COL14A1: variants seen among roughly 807,000 people sequenced by gnomAD.
COL14A1 encodes the protein collagen alpha-1(XIV) chain.
In COL14A1, 136 loss-of-function variants were observed where a neutral mutation model predicts 230.3. The observed-to-expected ratio is 0.59, with a 90% CI of 0.51 to 0.68. COL14A1 has a LOEUF of 0.68. Ranked by LOEUF, COL14A1 falls within the 30% of genes least tolerant of loss-of-function variation. The pLI, the probability that COL14A1 is intolerant of heterozygous loss-of-function variation, is 0.00. For missense variants in COL14A1, 1,976 were observed against 2,215.8 expected, an observed-to-expected ratio of 0.89 and a Z score of 2.17; for synonymous variants, 792 against 784.1, an observed-to-expected ratio of 1.01 and a Z score of -0.17.
At chr8:120,203,504 A>G (rs901375904) in intron 8 of COL14A1, among the ~76,000 whole-genome samples, 8 of 152,192 alleles carry the variant, frequency 5.3e-5, no homozygotes, top group African/African-American at 1.9e-4. Flanking sequence ...TTTGTGTTAT[A>G]TAATAGATAT....
intron 45 of COL14A1, among the ~76,000 whole-genome samples, chr8:120,347,459 A>G (rs1338393224): frequency 6.6e-6 from 1 of 152,102 alleles, no homozygotes; most frequent in Non-Finnish European, 1.5e-5. Flanking sequence ...TTTTGCGATG[A>G]CTGTTATAGG....
At chr8:120,254,836 A>C (rs1480059900) in intron 22 of COL14A1, among the ~76,000 whole-genome samples, 1 of 151,536 alleles carries the variant, frequency 6.6e-6, no homozygotes, top group East Asian at 1.9e-4. Context: ...AAAAAAAAAA[A>C]AAAAAATTAG....
At position 120,199,453 on chromosome 8, in the gene COL14A1, C is replaced by G. The variant is rs766232230; in HGVS notation, c.764C>G (p.Ser255Ter). ...AATAGCTTCAAACCAGAAGCAGGAT[C>G]AAGGACTGGAGTATCCAAAATTGGC... ...FENSFKPEAG[S>*]RTGVSKIGIL... Residue 255 changes from serine (S) to a stop codon, truncating the protein, a stop_gained, in exon 8 of 48, where the codon TCA (serine) becomes TGA (stop). Coordinates refer to ENST00000297848, the MANE Select transcript of COL14A1 (RefSeq NM_021110.4). LOFTEE classifies it high-confidence loss of function. 6.2e-7 allele frequency: 1 copy of G among 1,610,448 alleles called. No individual in the cohort carries two copies. The highest frequency in any genetic ancestry group is 1.1e-5 in the South Asian group (1 of 90,058).
At chr8:120,254,607 G>A (rs1819078864) in intron 22 of COL14A1, among the ~76,000 whole-genome samples, 1 of 151,744 alleles carries the variant, frequency 6.6e-6, no homozygotes, top group South Asian at 2.1e-4. Flanking sequence ...TATATAAAGG[G>A]GGTAAGATTT....
At position 120,125,252 on chromosome 8, in the gene COL14A1, G is replaced by A. The variant is rs1178771926; in HGVS notation, c.-126G>A. ...TCCGAGGGAAGAGAGCAAGGGCGGTGCGCCGCCAAGGACCAACTAGCGGCG... is the reference window on the plus strand; with the variant it reads ...TCCGAGGGAAGAGAGCAAGGGCGGTACGCCGCCAAGGACCAACTAGCGGCG... On this transcript the variant is annotated 5_prime_UTR_variant, in exon 1 of 48. Coordinates refer to ENST00000297848, the MANE Select transcript of COL14A1 (RefSeq NM_021110.4). The A allele has an allele frequency of 1.3e-5, 2 of 152,378 alleles. No individual in the cohort carries two copies. Among genetic ancestry groups the A allele is most frequent in the African/African-American group, 4.8e-5 (2 of 41,466 alleles). The allele number at this position is 152,378 out of a possible 1,614,324, so 9.4% of individuals were successfully genotyped here. A position where few individuals can be genotyped will look rare whatever the true frequency, so the allele number is the denominator to read the frequency against.
chr8:120,361,213 G>A (rs1226370806), intron 45 of COL14A1, among the ~76,000 whole-genome samples: 1 of 152,064 alleles, frequency 6.6e-6, no homozygotes, highest in Admixed American at 6.6e-5. Flanking sequence ...TCCTCTCTCT[G>A]AAAGATCTAG....
chr8:120,279,691 A>G (rs1223606895), intron 28 of COL14A1, among the ~76,000 whole-genome samples: 1 of 152,134 alleles, frequency 6.6e-6, no homozygotes, highest in Non-Finnish European at 1.5e-5. Context: ...CTCAGGCACA[A>G]TTTGGGGCCT....
intron 34 of COL14A1, among the ~76,000 whole-genome samples, chr8:120,292,612 A>G (rs976411762): frequency 1.3e-5 from 2 of 152,138 alleles, no homozygotes; most frequent in African/African-American, 4.8e-5. Flanking sequence ...AAATTTAGAA[A>G]TCACAGACTG....
At chr8:120,313,806 G>A in intron 37 of COL14A1, 126 bp from the exon 38 acceptor site, 3 of 606,578 alleles carry the variant, frequency 4.9e-6, no homozygotes, top group Non-Finnish European at 8.6e-6. Context: ...TTGCTATCCT[G>A]AGTATTTCCT....
chr8:120,300,915 A>G (rs1008202859), intron 36 of COL14A1, 97 bp downstream of exon 36: 9 of 919,130 alleles, frequency 9.8e-6, no homozygotes, highest in East Asian at 7.3e-5. Context: ...CTAAATGGCT[A>G]TTACTCACTT....
At chr8:120,236,998 G>A (rs548279688) in intron 19 of COL14A1, among the ~76,000 whole-genome samples, 14 of 152,328 alleles carry the variant, frequency 9.2e-5, no homozygotes, top group Non-Finnish European at 1.5e-4. Context: ...CTGTTAGACC[G>A]ATGGGCTTCC....
intron 36 of COL14A1, among the ~76,000 whole-genome samples, chr8:120,302,453 G>A (rs551101625): frequency 6.6e-6 from 1 of 152,254 alleles, no homozygotes; most frequent in East Asian, 1.9e-4. Context: ...TCAATCTTCT[G>A]CATATGGCTA....
chr8:120,278,231 A>T lies in COL14A1; in HGVS notation c.3334A>T (p.Thr1112Ser). 1 of 1,606,388 alleles carries T rather than the reference A, an allele frequency of 6.2e-7. No individual in the cohort carries two copies. The highest frequency in any genetic ancestry group is 8.5e-7 in the Non-Finnish European group (1 of 1,177,380). Residue 1112 changes from threonine (T) to serine (S), a missense_variant, in exon 27 of 48, where the codon ACA becomes TCA. This residue lies in a region of COL14A1 where 1,791 missense variants were observed against 2,019.5 expected (regional missense o/e 0.89). Transcript: ENST00000297848. ...TTCATACAAAGGAGGAAATACAAAAACAGGTATGACCAAAAGAAGCCCAGC... is the reference window on the plus strand; with the variant it reads ...TTCATACAAAGGAGGAAATACAAAATCAGGTATGACCAAAAGAAGCCCAGC... ...HISYKGGNTK[T>S]GKAIKYVRDT...
At position 120,332,125 on chromosome 8, in the gene COL14A1, T is replaced by C; in HGVS notation, c.4660-16T>C. ...AAAGCAACCACTTGCTGACATGCTG[T>C]GTTTCTTTTCGCCAGGGCCTTCCGG... On this transcript the variant is annotated splice_polypyrimidine_tract_variant and intron_variant, in intron 40 of 47. Transcript: ENST00000297848. The C allele has an allele frequency of 6.2e-7, 1 of 1,613,808 alleles. No individual in the cohort carries two copies. Among genetic ancestry groups the C allele is most frequent in the African/African-American group, 1.3e-5 (1 of 75,042 alleles).
intron 13 of COL14A1, among the ~76,000 whole-genome samples, chr8:120,213,146 T>C (rs1345335471): frequency 2.6e-5 from 4 of 152,208 alleles, no homozygotes; most frequent in African/African-American, 4.8e-5. Context: ...TCATTTTCAA[T>C]TGAGTAAAAA....
At chr8:120,241,688 T>C (rs1037452531) in intron 19 of COL14A1, among the ~76,000 whole-genome samples, 11 of 151,634 alleles carry the variant, frequency 7.3e-5, no homozygotes, top group Admixed American at 3.3e-4. Context: ...CAAGAGGAGA[T>C]GGTTTTTTAC....
chr8:120,183,004 G>A (rs1157396470), intron 5 of COL14A1, among the ~76,000 whole-genome samples: 1 of 151,874 alleles, frequency 6.6e-6, no homozygotes, highest in Non-Finnish European at 1.5e-5. Context: ...TGGGATTACG[G>A]GCAGAAGCCA....
At chr8:120,313,181 G>T (rs1018329693) in intron 37 of COL14A1, among the ~76,000 whole-genome samples, 1 of 152,110 alleles carries the variant, frequency 6.6e-6, no homozygotes, top group Non-Finnish European at 1.5e-5. Flanking sequence ...CCAACATGGT[G>T]AAACCCCATC....
Position 120,262,997 on chromosome 8 carries a change from G to T in COL14A1, c.2999G>T (p.Ser1000Ile). ...KLQEIEGPSV[S>I]IMEKTQSLPT... Reference sequence around the variant, plus strand: ...CAGGAGATTGAAGGACCTAGTGTGAGCATAATGGAAAAAACACGTAAGTCA... The same window carrying T: ...CAGGAGATTGAAGGACCTAGTGTGATCATAATGGAAAAAACACGTAAGTCA... Residue 1000 changes from serine (S) to isoleucine (I), a missense_variant, in exon 24 of 48, where the codon AGC (serine) becomes ATC (isoleucine). Around this residue, in one of 3 missense-constraint regions of COL14A1, gnomAD observed 1,791 missense variants for 2,019.5 expected, o/e 0.89. Coordinates refer to ENST00000297848, the MANE Select transcript of COL14A1 (RefSeq NM_021110.4). The T allele has an allele frequency of 1.2e-6, 2 of 1,605,660 alleles. No individual in the cohort carries two copies. The highest frequency in any genetic ancestry group is 1.7e-6 in the Non-Finnish European group (2 of 1,177,424).
Sources: gnomAD v4.1 joint callset for allele counts (sites outside exome capture counted in the v4.1 genomes callset) on GRCh38, gnomAD v4.1.1 for gene constraint, gnomAD v4.1.1 regional missense constraint, MANE v1.5 for transcripts, NCBI Gene and HGNC (gene_info 2026-07-23, HGNC 2026-07-21) for gene names.